FYB1: variants seen among roughly 807,000 people sequenced by gnomAD.
FYB1 encodes the protein FYN binding protein 1, also known as FYN-binding protein 1.
In FYB1, 41 loss-of-function variants were observed where a neutral mutation model predicts 94.1. That is an observed-to-expected ratio of 0.44 (90% CI 0.34 to 0.57). FYB1 has a LOEUF of 0.57. Ranked by LOEUF, FYB1 falls within the 20% of genes least tolerant of loss-of-function variation. The pLI, the probability that FYB1 is intolerant of heterozygous loss-of-function variation, is 0.02. For missense variants in FYB1, 1,050 were observed against 976.8 expected, an observed-to-expected ratio of 1.07 and a Z score of -1.00; for synonymous variants, 367 against 353.2, an observed-to-expected ratio of 1.04 and a Z score of -0.44.
chr5:39,117,746 C>A (rs1299750310), intron 16 of FYB1, among the ~76,000 whole-genome samples: 1 of 152,084 alleles, frequency 6.6e-6, no homozygotes, highest in East Asian at 1.9e-4. Context: ...GCAGATTGAC[C>A]AAGCTGATAT....
intron 1 of FYB1, among the ~76,000 whole-genome samples, chr5:39,251,035 T>C (rs1751690581): frequency 6.6e-6 from 1 of 152,196 alleles, no homozygotes; most frequent in African/African-American, 2.4e-5. Context: ...TTTCAAATGA[T>C]GATTTATAGC....
chr5:39,137,634 T>C lies in FYB1; in HGVS notation c.1481A>G (p.Glu494Gly). Residue 494 changes from glutamate (E) to glycine (G), a missense_variant, in exon 7 of 19, where the codon GAA becomes GGA. Glu to Gly is a moderately conservative substitution (Grantham distance 98). Transcript: ENST00000512982. ...CTTCTTTATTTCTTGTTCTTTCTTT[T>C]CTTTCTCTTTCTGTTCCTTTTTCTC... The part of the protein sequence containing the change: ...ELEKKEQKEK[E>G]KKEQEIKKKF... The C allele has an allele frequency of 6.5e-7, 1 of 1,536,256 alleles. No homozygotes were observed. The highest frequency in any genetic ancestry group is 1.2e-5 in the South Asian group (1 of 83,124).
At chr5:39,237,047 C>G (rs1750995968) in intron 1 of FYB1, among the ~76,000 whole-genome samples, 1 of 152,072 alleles carries the variant, frequency 6.6e-6, no homozygotes, top group African/African-American at 2.4e-5. Context: ...TTAATTTGAA[C>G]AGAGGTTGAT....
At chr5:39,140,580 A>T (rs1386059128) in intron 4 of FYB1, among the ~76,000 whole-genome samples, 7 of 152,192 alleles carry the variant, frequency 4.6e-5, no homozygotes, top group African/African-American at 1.4e-4. Flanking sequence ...ACTTCAGGGT[A>T]TATATCTTAA....
At chr5:39,116,663 G>A (rs956252148) in intron 16 of FYB1, among the ~76,000 whole-genome samples, 17 of 152,038 alleles carry the variant, frequency 1.1e-4, no homozygotes, top group South Asian at 4.2e-4. Flanking sequence ...CACTGGTGCC[G>A]TATCTATTCC....
intron 1 of FYB1, among the ~76,000 whole-genome samples, chr5:39,237,111 T>C (rs937532254): frequency 6.6e-6 from 1 of 152,104 alleles, no homozygotes; most frequent in African/African-American, 2.4e-5. Flanking sequence ...AAATAATCTC[T>C]TTTCCTTGAA....
chr5:39,119,714 G>A (rs755577685), intron 14 of FYB1, 80 bp from the exon 15 acceptor site: 189 of 1,297,278 alleles, frequency 1.5e-4, no homozygotes, highest in Non-Finnish European at 1.8e-4. Context: ...ACGATTCATA[G>A]CATTATATTT....
chr5:39,129,502 A>G (rs1740993482), intron 10 of FYB1, among the ~76,000 whole-genome samples: 1 of 152,118 alleles, frequency 6.6e-6, no homozygotes, highest in Non-Finnish European at 1.5e-5. Flanking sequence ...AAAGCAATCA[A>G]CCAACAGAGT....
chr5:39,170,248 T>G, intron 2 of FYB1: 1 of 1,122,958 alleles, frequency 8.9e-7, no homozygotes, highest in Non-Finnish European at 1.3e-6. Context: ...GGTGGTGTCT[T>G]TCCTACTGAG....
chr5:39,139,864 C>T (rs1742010209), intron 4 of FYB1: 1 of 152,044 alleles, frequency 6.6e-6, no homozygotes, highest in South Asian at 2.1e-4. Flanking sequence ...CCATAATATA[C>T]ACATACACAC....
chr5:39,127,646 C>T, intron 11 of FYB1, 95 bp downstream of exon 11: 1 of 1,343,118 alleles, frequency 7.4e-7, no homozygotes, highest in African/African-American at 1.5e-5. Flanking sequence ...TGAGAAAGAA[C>T]ACTATTTTCC....
Position 39,141,105 on chromosome 5 carries a change from C to G in FYB1, c.1329G>C (p.Thr443=), listed in dbSNP as rs778155667. Residue 443 remains threonine (T), a synonymous_variant, in exon 4 of 19, where the codon ACG becomes ACC. Coordinates refer to ENST00000512982, the MANE Select transcript of FYB1 (RefSeq NM_001465.6). The part of the protein sequence containing the change: ...PVNEDNQDGV[T]HSDGAGNLDE... ...GTTTTTGTCGTTTACCATCAGAGTGCGTGACACCATCTTGATTGTCTTCAT... is the reference window on the plus strand; with the variant it reads ...GTTTTTGTCGTTTACCATCAGAGTGGGTGACACCATCTTGATTGTCTTCAT... 1.3e-6 allele frequency: 2 copies of G among 1,588,502 alleles called. No individual in the cohort carries two copies. Among genetic ancestry groups the G allele is most frequent in the Admixed American group, 1.8e-5 (1 of 56,948 alleles).
chr5:39,121,625 T>A (rs1740113574), intron 14 of FYB1, among the ~76,000 whole-genome samples: 1 of 152,104 alleles, frequency 6.6e-6, no homozygotes, highest in Non-Finnish European at 1.5e-5. Flanking sequence ...TTATACTCAG[T>A]ATGTATCAAA....
intron 17 of FYB1, 108 bp from the exon 18 acceptor site, chr5:39,108,370 A>G: frequency 1.0e-6 from 1 of 989,188 alleles, no homozygotes; most frequent in Non-Finnish European, 1.4e-6. Context: ...CACAATTAAG[A>G]CTTTTAAGCA....
chr5:39,127,289 A>G (rs1740769017), intron 11 of FYB1, among the ~76,000 whole-genome samples: 1 of 151,562 alleles, frequency 6.6e-6, no homozygotes, highest in Non-Finnish European at 1.5e-5. Flanking sequence ...CTATATTATA[A>G]TCATGTTATT....
chr5:39,254,900 C>T (rs1751867002), intron 1 of FYB1, among the ~76,000 whole-genome samples: 1 of 152,068 alleles, frequency 6.6e-6, no homozygotes, highest in African/African-American at 2.4e-5. Context: ...AAGTGCCAGA[C>T]CTGATCTGGC....
chr5:39,174,851 G>T (rs1224739814), intron 2 of FYB1, among the ~76,000 whole-genome samples: 1 of 152,102 alleles, frequency 6.6e-6, no homozygotes, highest in Non-Finnish European at 1.5e-5. Context: ...TAAGATGAAA[G>T]AGGAAGCTAA....
intron 1 of FYB1, among the ~76,000 whole-genome samples, chr5:39,250,440 C>T (rs751033189): frequency 7.2e-5 from 11 of 152,138 alleles, no homozygotes; most frequent in Non-Finnish European, 1.6e-4. Context: ...AACAAGATTC[C>T]ACTAGGTTTG....
chr5:39,196,251 C>A (rs978887794), intron 2 of FYB1, among the ~76,000 whole-genome samples: 20 of 149,692 alleles, frequency 1.3e-4, no homozygotes, highest in African/African-American at 4.7e-4. Context: ...CTTTGTCACC[C>A]AGGCTGGAGT....
Sources: allele counts gnomAD v4.1 joint callset (sites outside exome capture counted in the v4.1 genomes callset), GRCh38; gene constraint gnomAD v4.1.1; transcripts MANE v1.5; gene names NCBI Gene and HGNC (gene_info 2026-07-23, HGNC 2026-07-21).